RBMS3: variants seen among roughly 807,000 people sequenced by gnomAD.
RBMS3 encodes the protein RNA binding motif single stranded interacting protein 3, also known as RNA-binding motif, single-stranded-interacting protein 3.
Under a neutral mutation model 66.8 loss-of-function variants are expected in RBMS3, and 27 were observed. That is an observed-to-expected ratio of 0.40 (90% CI 0.30 to 0.56). The LOEUF (loss-of-function observed/expected upper bound fraction) is 0.56, where lower values mean the gene tolerates loss of function less well. Among genes scored for constraint, RBMS3 ranks in the 20% least tolerant of loss-of-function variants. RBMS3 has a pLI of 0.40. For missense variants in RBMS3, 513 were observed against 549.5 expected, an observed-to-expected ratio of 0.93 and a Z score of 0.66; for synonymous variants, 188 against 183.0, an observed-to-expected ratio of 1.03 and a Z score of -0.22.
chr3:29,517,123 G>A (rs1480534714), intron 3 of RBMS3, among the ~76,000 whole-genome samples: 6 of 151,972 alleles, frequency 3.9e-5, no homozygotes, highest in Non-Finnish European at 8.8e-5. Flanking sequence ...TGAGATGGGA[G>A]GGTGACCTGA....
intron 1 of RBMS3, among the ~76,000 whole-genome samples, chr3:29,353,967 AT>A (rs1215892598): frequency 6.6e-6 from 1 of 152,100 alleles, no homozygotes; most frequent in Non-Finnish European, 1.5e-5. Flanking sequence ...GCTGACACGA[AT>A]TAGTATTAGA....
At chr3:29,751,779 G>A (rs1595900) in intron 5 of RBMS3, among the ~76,000 whole-genome samples, 72,955 of 152,080 alleles carry the variant, frequency 0.48, 18,243 homozygotes, top group African/African-American at 0.62. Flanking sequence ...GGGGCGGCTC[G>A]GTTAGGCAGC....
chr3:29,457,716 G>A (rs1199538154), intron 2 of RBMS3, among the ~76,000 whole-genome samples: 3 of 152,040 alleles, frequency 2.0e-5, no homozygotes. Flanking sequence ...AGTGAGATCA[G>A]TAACAACAAA....
chr3:29,405,962 C>G (rs2040001383), intron 1 of RBMS3, among the ~76,000 whole-genome samples: 1 of 152,194 alleles, frequency 6.6e-6, no homozygotes, highest in African/African-American at 2.4e-5. Context: ...TGAACCCACA[C>G]ATGATTTTTC....
At chr3:29,837,172 G>A (rs1432573361) in intron 6 of RBMS3, among the ~76,000 whole-genome samples, 2 of 151,990 alleles carry the variant, frequency 1.3e-5, no homozygotes, top group East Asian at 3.9e-4. Flanking sequence ...TTAAATGATA[G>A]TTCCAACACA....
Position 29,991,209 on chromosome 3 carries a change from A to AT in RBMS3, c.1307_1307+1insT (p.Lys436AsnfsTer16), listed in dbSNP as rs1296402216. ...CCTGCATATTCTTACCAACAGTCTA[A>AT]GTAAGTCTGGGCTGTGCTAAGCTCT... On this transcript the variant is annotated frameshift_variant and splice_region_variant. Coordinates refer to ENST00000383767, the MANE Select transcript of RBMS3 (RefSeq NM_001003793.3). LOFTEE classifies it high-confidence loss of function. The AT allele has an allele frequency of 6.2e-7, 1 of 1,614,116 alleles. No homozygotes were observed. The highest frequency in any genetic ancestry group is 2.2e-5 in the East Asian group (1 of 44,882).
intron 1 of RBMS3, among the ~76,000 whole-genome samples, chr3:29,364,549 T>C (rs1300211620): frequency 1.3e-5 from 2 of 152,166 alleles, no homozygotes; most frequent in Non-Finnish European, 2.9e-5. Flanking sequence ...CTGAGGAATA[T>C]ATATGAAGGT....
chr3:29,699,947 G>GC (rs1425296082), intron 4 of RBMS3, among the ~76,000 whole-genome samples: 1 of 152,102 alleles, frequency 6.6e-6, no homozygotes, highest in East Asian at 1.9e-4. Context: ...GATGATGATG[G>GC]CCTATTATTT....
At chr3:29,772,257 T>C (rs1277640223) in intron 6 of RBMS3, among the ~76,000 whole-genome samples, 1 of 152,046 alleles carries the variant, frequency 6.6e-6, no homozygotes, top group Non-Finnish European at 1.5e-5. Flanking sequence ...ACTTCTGACC[T>C]ATACAACTGT....
At chr3:29,655,620 T>G (rs926783412) in intron 4 of RBMS3, among the ~76,000 whole-genome samples, 1 of 152,206 alleles carries the variant, frequency 6.6e-6, no homozygotes, top group African/African-American at 2.4e-5. Context: ...GCACATACAA[T>G]TGTGTATGGT....
At chr3:29,554,898 C>T (rs147224469) in intron 3 of RBMS3, among the ~76,000 whole-genome samples, 39 of 152,006 alleles carry the variant, frequency 2.6e-4, no homozygotes, top group African/African-American at 8.4e-4. Flanking sequence ...TTTTTTGAAC[C>T]GAATAGGGCC....
chr3:29,871,832 A>G (rs2059499809), intron 7 of RBMS3, among the ~76,000 whole-genome samples: 1 of 152,168 alleles, frequency 6.6e-6, no homozygotes. Flanking sequence ...ATTTTAATTT[A>G]CTGTTTAAAG....
At position 29,909,204 on chromosome 3, in the gene RBMS3, C is replaced by T. The variant is rs202079198; in HGVS notation, c.939+9449C>T. Among the ~76,000 whole-genome samples, 22 of 152,024 alleles carry T rather than the reference C, an allele frequency of 1.4e-4. No individual in the cohort carries two copies. The East Asian group carries it at 1.7e-3, about 12-fold the overall frequency. On this transcript the variant is annotated intron_variant, in intron 10 of 14. Coordinates refer to ENST00000383767, the MANE Select transcript of RBMS3 (RefSeq NM_001003793.3). ...GCTACGTATTGAAGTACAACTTTCA[C>T]GCAGTCAAATCTGGCAGACTTTCCT...
At chr3:29,554,326 A>G (rs2046274649) in intron 3 of RBMS3, among the ~76,000 whole-genome samples, 1 of 152,210 alleles carries the variant, frequency 6.6e-6, no homozygotes, top group African/African-American at 2.4e-5. Context: ...GCCTATTACC[A>G]GGTTTTGCCT....
At chr3:29,310,226 A>G (rs1212483129) in intron 1 of RBMS3, among the ~76,000 whole-genome samples, 1 of 151,688 alleles carries the variant, frequency 6.6e-6, no homozygotes, top group Admixed American at 6.6e-5. Flanking sequence ...TAAATTTTGT[A>G]TTGGGATGGA....
intron 1 of RBMS3, among the ~76,000 whole-genome samples, chr3:29,360,874 G>A (rs12487805): frequency 0.095 from 14,373 of 151,896 alleles, 1,460 homozygotes; most frequent in African/African-American, 0.24. Context: ...TGCAACCCCT[G>A]CCTTTTTTTG....
intron 1 of RBMS3, among the ~76,000 whole-genome samples, chr3:29,384,145 A>G (rs1486468798): frequency 1.3e-5 from 2 of 152,032 alleles, no homozygotes; most frequent in African/African-American, 4.8e-5. Flanking sequence ...GTGAAACAGC[A>G]TATCTACAAA....
chr3:29,928,448 CTT>C (rs2061012489), intron 10 of RBMS3, among the ~76,000 whole-genome samples: 1 of 151,268 alleles, frequency 6.6e-6, no homozygotes, highest in South Asian at 2.1e-4. Context: ...AGTCTTTTGT[CTT>C]TGATTTTTTT....
intron 4 of RBMS3, among the ~76,000 whole-genome samples, chr3:29,677,760 C>G (rs1427669246): frequency 3.3e-5 from 5 of 151,978 alleles, no homozygotes; most frequent in African/African-American, 9.7e-5. Context: ...CAGTCTAGGA[C>G]TATTTTCCTG....
Sources: allele counts gnomAD v4.1 joint callset (sites outside exome capture counted in the v4.1 genomes callset), GRCh38; gene constraint gnomAD v4.1.1; transcripts MANE v1.5; gene names NCBI Gene and HGNC (gene_info 2026-07-23, HGNC 2026-07-21).